The following AOPEP variants were observed in gnomAD, a reference collection of about 807,000 sequenced individuals.
The protein encoded by AOPEP is aminopeptidase O (putative).
A neutral mutation model predicts 98.1 loss-of-function variants in AOPEP; 77 were observed. That is an observed-to-expected ratio of 0.78 (90% CI 0.65 to 0.95). AOPEP has a LOEUF of 0.95. AOPEP is among the 40% of genes least tolerant of loss of function. The pLI is 0.00. For missense variants in AOPEP, 1,024 were observed against 1,024.7 expected (o/e 1.00, Z 0.01); for synonymous variants, 346 against 365.3 (o/e 0.95, Z 0.60).
chr9:94,989,387 C>T (rs1275982376), intron 11 of AOPEP, among the ~76,000 whole-genome samples: 2 of 151,964 alleles, frequency 1.3e-5, no homozygotes, highest in Non-Finnish European at 2.9e-5. Flanking sequence ...CAGGTGTGGG[C>T]CACCGCGCCC....
intron 2 of AOPEP, among the ~76,000 whole-genome samples, chr9:94,762,160 A>G (rs1838451660): frequency 6.6e-6 from 1 of 152,224 alleles, no homozygotes; most frequent in African/African-American, 2.4e-5. Flanking sequence ...TGAAGAAATT[A>G]AAGAGGGCCA....
intron 5 of AOPEP, among the ~76,000 whole-genome samples, chr9:94,913,627 C>T (rs2052395111): frequency 6.6e-6 from 1 of 152,162 alleles, no homozygotes; most frequent in African/African-American, 2.4e-5. Flanking sequence ...GAGACATTTA[C>T]TTTTTAAGCT....
intron 13 of AOPEP, among the ~76,000 whole-genome samples, chr9:95,016,780 T>G (rs1372401558): frequency 2.6e-5 from 4 of 151,616 alleles, no homozygotes; most frequent in African/African-American, 9.7e-5. Flanking sequence ...GTCAGCTTTT[T>G]TTTTTTTTAA....
chr9:95,004,718 G>A (rs2061810803), intron 11 of AOPEP, among the ~76,000 whole-genome samples: 1 of 145,688 alleles, frequency 6.9e-6, no homozygotes, highest in Non-Finnish European at 1.5e-5. Flanking sequence ...GGGAGGGGTG[G>A]CGGGGGCAAG....
chr9:95,020,207 T>C (rs1009030090), intron 13 of AOPEP: 1 of 152,292 alleles, frequency 6.6e-6, no homozygotes, highest in Non-Finnish European at 1.5e-5. Context: ...AAGGCAGGCA[T>C]GGAGGCAGAG....
At chr9:94,816,850 G>A (rs1851807984) in intron 5 of AOPEP, among the ~76,000 whole-genome samples, 1 of 152,216 alleles carries the variant, frequency 6.6e-6, no homozygotes, top group East Asian at 1.9e-4. Context: ...AACAAAGGCA[G>A]CAGTTCCTGC....
chr9:94,816,171 C>T (rs1851659110), intron 5 of AOPEP, among the ~76,000 whole-genome samples: 2 of 152,120 alleles, frequency 1.3e-5, no homozygotes, highest in African/African-American at 4.8e-5. Context: ...CATACAATTT[C>T]TTTTTCTTGG....
intron 13 of AOPEP, among the ~76,000 whole-genome samples, chr9:95,057,364 T>C (rs1464485566): frequency 6.6e-6 from 1 of 152,198 alleles, no homozygotes; most frequent in Non-Finnish European, 1.5e-5. Context: ...AGTGGAGTGG[T>C]CCACATAGCA....
At chr9:95,005,361 T>A (rs1447261401) in intron 12 of AOPEP, 141 bp downstream of exon 12, 1 of 748,304 alleles carries the variant, frequency 1.3e-6, no homozygotes, top group Non-Finnish European at 1.9e-6. Flanking sequence ...GGAGCGGCCG[T>A]GACGAAGGTC....
chr9:95,129,291 G>A, the AOPEP span, among the ~76,000 whole-genome samples: 1 of 152,194 alleles, frequency 6.6e-6, no homozygotes, highest in Non-Finnish European at 1.5e-5. Flanking sequence ...ATGAGGACTA[G>A]AGTACTACAG....
At chr9:94,909,346 TAA>T (rs3052031) in intron 5 of AOPEP, among the ~76,000 whole-genome samples, 21 of 82,042 alleles carry the variant, frequency 2.6e-4, no homozygotes, top group African/African-American at 9.2e-4. Flanking sequence ...TTTGGAGCCT[TAA>T]AAAAAAAAAA....
intron 1 of AOPEP, among the ~76,000 whole-genome samples, chr9:94,745,584 A>G (rs1315732867): frequency 4.6e-5 from 7 of 152,204 alleles, no homozygotes; most frequent in African/African-American, 1.4e-4. Context: ...AATTGTTTTA[A>G]TTTTTAGCTC....
intron 15 of AOPEP, among the ~76,000 whole-genome samples, chr9:95,081,081 G>C (rs1161638324): frequency 6.6e-6 from 1 of 152,182 alleles, no homozygotes; most frequent in African/African-American, 2.4e-5. Flanking sequence ...GTGTCCCTTG[G>C]TGACGCCGTG....
At chr9:94,983,024 TG>T (rs1284925915) in intron 11 of AOPEP, among the ~76,000 whole-genome samples, 2 of 149,714 alleles carry the variant, frequency 1.3e-5, no homozygotes, top group Non-Finnish European at 2.9e-5. Context: ...TGTTTTGTTT[TG>T]TTTTTGTTTT....
At chr9:94,944,966 A>G (rs1228076205) in intron 7 of AOPEP, among the ~76,000 whole-genome samples, 1 of 152,172 alleles carries the variant, frequency 6.6e-6, no homozygotes, top group East Asian at 1.9e-4. Flanking sequence ...ACTGTCTCAT[A>G]ATACCCCTGT....
chr9:94,798,145 G>T (rs1265251464), intron 4 of AOPEP, among the ~76,000 whole-genome samples: 1 of 152,200 alleles, frequency 6.6e-6, no homozygotes, highest in African/African-American at 2.4e-5. Context: ...AGACAGTGAA[G>T]CCCAGGTTTC....
At chr9:94,870,604 A>G (rs1363017363) in intron 5 of AOPEP, among the ~76,000 whole-genome samples, 1 of 152,210 alleles carries the variant, frequency 6.6e-6, no homozygotes, top group African/African-American at 2.4e-5. Context: ...CAGTAAGCCA[A>G]GCTTGCTGAT....
chr9:94,946,408 CT>C (rs2057631730), intron 7 of AOPEP, among the ~76,000 whole-genome samples: 5 of 152,280 alleles, frequency 3.3e-5, no homozygotes, highest in Middle Eastern at 3.4e-3. Context: ...CAGCTTCTAC[CT>C]GAGCAGTTCC....
chr9:95,001,605 G>A (rs1359916313), intron 11 of AOPEP, among the ~76,000 whole-genome samples: 1 of 152,162 alleles, frequency 6.6e-6, no homozygotes, highest in East Asian at 1.9e-4. Context: ...AATGTGTTCA[G>A]GCTGGATTGA....
Sources: allele counts gnomAD v4.1 joint callset (sites outside exome capture counted in the v4.1 genomes callset), GRCh38; gene constraint gnomAD v4.1.1; transcripts MANE v1.5; gene names NCBI Gene and HGNC (gene_info 2026-07-23, HGNC 2026-07-21).